Variants in C12orf56 observed in about 807,000 individuals in gnomAD.
C12orf56 encodes the protein chromosome 12 open reading frame 56.
C12orf56 carries 71 observed loss-of-function variants against 69.9 expected under a neutral mutation model. That is an observed-to-expected ratio of 1.02 (90% CI 0.84 to 1.24). The LOEUF (loss-of-function observed/expected upper bound fraction) is 1.24, where lower values mean the gene tolerates loss of function less well. Ranked by LOEUF, C12orf56 falls within the 50% of genes most tolerant of loss-of-function variation. The pLI, the probability that C12orf56 is intolerant of heterozygous loss-of-function variation, is 0.00. For synonymous variants in C12orf56, 276 were observed against 274.1 expected, an observed-to-expected ratio of 1.01 and a Z score of -0.07; for missense variants, 732 against 738.5, an observed-to-expected ratio of 0.99 and a Z score of 0.10.
At position 64,335,529 on chromosome 12, in the gene C12orf56, C is replaced by G. The variant is rs74647970; in HGVS notation, c.416-4497G>C. Among the ~76,000 whole-genome samples the G allele has an allele frequency of 1.5e-4, 22 of 151,680 alleles. No individual in the cohort carries two copies. The East Asian group carries it at 3.7e-3, about 25-fold the overall frequency. On this transcript the variant is annotated intron_variant, in intron 2 of 12. Transcript: ENST00000543942. ...GTTTAATAACCATCCTCTTTCATCTCAATGTGAAAAGTACAATTCAGGTAT... is the reference window on the plus strand; with the variant it reads ...GTTTAATAACCATCCTCTTTCATCTGAATGTGAAAAGTACAATTCAGGTAT...
chr12:64,356,182 A>C (rs1028909050), intron 1 of C12orf56, among the ~76,000 whole-genome samples: 6 of 151,204 alleles, frequency 4.0e-5, no homozygotes, highest in African/African-American at 7.3e-5. Flanking sequence ...AAAAAAAAAA[A>C]AAAAAAAAAA....
intron 6 of C12orf56, among the ~76,000 whole-genome samples, chr12:64,297,474 G>T (rs2038381900): frequency 6.6e-6 from 1 of 151,850 alleles, no homozygotes; most frequent in Non-Finnish European, 1.5e-5. Flanking sequence ...ATGGTGGTTT[G>T]CTGCACCCAT....
Position 64,313,154 on chromosome 12 carries a change from C to T in C12orf56, c.895-402G>A, listed in dbSNP as rs928060371. Among the ~76,000 whole-genome samples the T allele has an allele frequency of 4.0e-5, 6 of 149,946 alleles. No homozygotes were observed. In the East Asian group the frequency reaches 5.9e-4, roughly 15 times the overall value. ...GCAGGTGCCTGTAGTCCCAGCTACT[C>T]GGGAGGCTGAGGCAGGAGAATGGCA... is the stretch of plus-strand genomic sequence containing the variant. On this transcript the variant is annotated intron_variant, in intron 4 of 12. Transcript: ENST00000543942.
chr12:64,333,999 C>T (rs2038962813), intron 2 of C12orf56, among the ~76,000 whole-genome samples: 1 of 152,162 alleles, frequency 6.6e-6, no homozygotes, highest in African/African-American at 2.4e-5. Flanking sequence ...TCATCTGCTG[C>T]TGTATTCTCT....
intron 1 of C12orf56, among the ~76,000 whole-genome samples, chr12:64,369,101 T>G (rs2039535041): frequency 6.6e-6 from 1 of 151,186 alleles, no homozygotes; most frequent in South Asian, 2.1e-4. Context: ...GGAGGATCGC[T>G]TGAGGCCAAG....
At chr12:64,277,832 G>A in intron 8 of C12orf56, 29 bp from the exon 9 acceptor site, 1 of 1,492,362 alleles carries the variant, frequency 6.7e-7, no homozygotes, top group Non-Finnish European at 9.0e-7. Context: ...AAGGCAATTA[G>A]TGAGCAAAGT....
chr12:64,285,895 T>C, intron 7 of C12orf56, 59 bp downstream of exon 7: 2 of 1,135,084 alleles, frequency 1.8e-6, no homozygotes, highest in South Asian at 1.7e-5. Flanking sequence ...GTGTCTTCCA[T>C]TTATCTTTAA....
intron 3 of C12orf56, among the ~76,000 whole-genome samples, chr12:64,328,720 T>G (rs1212475942): frequency 7.7e-5 from 1 of 12,976 alleles, no homozygotes; most frequent in African/African-American, 1.7e-4. Context: ...TATATATATA[T>G]ATATATATAT....
At chr12:64,311,589 C>T (rs1385609694) in intron 5 of C12orf56, among the ~76,000 whole-genome samples, 2 of 152,020 alleles carry the variant, frequency 1.3e-5, no homozygotes, top group Non-Finnish European at 2.9e-5. Context: ...CAGTAGTGTT[C>T]CAGAAGAGGG....
intron 1 of C12orf56, among the ~76,000 whole-genome samples, chr12:64,373,326 T>G (rs1475247270): frequency 6.6e-6 from 1 of 152,092 alleles, no homozygotes; most frequent in Non-Finnish European, 1.5e-5. Flanking sequence ...TGTGGTGGCA[T>G]GTACTTGTAG....
At chr12:64,343,169 T>C (rs1443868785) in intron 2 of C12orf56, among the ~76,000 whole-genome samples, 1 of 152,212 alleles carries the variant, frequency 6.6e-6, no homozygotes, top group Admixed American at 6.5e-5. Context: ...TTAGAAGGAA[T>C]ATCTCGACAG....
intron 4 of C12orf56, among the ~76,000 whole-genome samples, chr12:64,318,221 C>T (rs1043765301): frequency 6.6e-5 from 10 of 152,026 alleles, no homozygotes; most frequent in Non-Finnish European, 1.0e-4. Context: ...CCACCACATC[C>T]GGCTAATTTT....
intron 9 of C12orf56, 28 bp downstream of exon 9, chr12:64,277,652 T>TAAG: frequency 4.1e-6 from 5 of 1,210,440 alleles, no homozygotes; most frequent in Non-Finnish European, 5.4e-6. Context: ...ATATATATAA[T>TAAG]AGTTTACCCC....
chr12:64,267,460 A>T, intron 12 of C12orf56, 172 bp from the exon 13 acceptor site: 1 of 609,948 alleles, frequency 1.6e-6, no homozygotes, highest in Non-Finnish European at 2.9e-6. Flanking sequence ...TGACCTAGAA[A>T]ATCTCTGACA....
intron 2 of C12orf56, among the ~76,000 whole-genome samples, chr12:64,351,757 G>C (rs2039224734): frequency 6.6e-6 from 1 of 151,932 alleles, no homozygotes; most frequent in Non-Finnish European, 1.5e-5. Flanking sequence ...GCTAGGAAGA[G>C]ATGGGAATGT....
intron 3 of C12orf56, among the ~76,000 whole-genome samples, chr12:64,325,443 T>G (rs1484229386): frequency 6.6e-6 from 1 of 151,942 alleles, no homozygotes; most frequent in African/African-American, 2.4e-5. Flanking sequence ...GATAAGTAAA[T>G]TCAAGCCCCT....
intron 2 of C12orf56, among the ~76,000 whole-genome samples, chr12:64,350,953 A>G (rs2039214928): frequency 6.6e-6 from 1 of 152,200 alleles, no homozygotes; most frequent in African/African-American, 2.4e-5. Context: ...ATTTGTCATG[A>G]AATTCTAGAC....
At chr12:64,354,090 A>C (rs572907921) in intron 1 of C12orf56, among the ~76,000 whole-genome samples, 1 of 152,348 alleles carries the variant, frequency 6.6e-6, no homozygotes, top group African/African-American at 2.4e-5. Flanking sequence ...TATAGGTAAC[A>C]GCTCATAGAG....
intron 1 of C12orf56, among the ~76,000 whole-genome samples, chr12:64,368,916 A>T (rs2039533249): frequency 1.3e-5 from 2 of 152,200 alleles, no homozygotes; most frequent in Non-Finnish European, 2.9e-5. Context: ...TTTGTGAAAG[A>T]TACTGGCACT....
Sources: allele counts gnomAD v4.1 joint callset (sites outside exome capture counted in the v4.1 genomes callset), GRCh38; gene constraint gnomAD v4.1.1; transcripts MANE v1.5; gene names NCBI Gene and HGNC (gene_info 2026-07-23, HGNC 2026-07-21).